ANKRD33B: variants seen among roughly 807,000 people sequenced by gnomAD.
ANKRD33B encodes ankyrin repeat domain-containing protein 33B.
A neutral mutation model predicts 21.5 loss-of-function variants in ANKRD33B; 6 were observed. That is an observed-to-expected ratio of 0.28 (90% confidence interval 0.15 to 0.55). ANKRD33B has a LOEUF of 0.55. Among genes scored for constraint, ANKRD33B ranks in the 20% least tolerant of loss-of-function variants. The probability of loss-of-function intolerance (pLI) is 0.94; values close to 1 mark genes in which losing one functional copy is unlikely to be tolerated. For synonymous variants in ANKRD33B, 347 were observed against 342.4 expected, an observed-to-expected ratio of 1.01 and a Z score of -0.15; for missense variants, 698 against 747.2, an observed-to-expected ratio of 0.93 and a Z score of 0.77.
chr5:10,581,046 C>T (rs1356690112), intron 1 of ANKRD33B, among the ~76,000 whole-genome samples: 1 of 152,150 alleles, frequency 6.6e-6, no homozygotes, highest in Non-Finnish European at 1.5e-5. Flanking sequence ...GCTGGTTCTG[C>T]CCTTGCCAGC....
At chr5:10,638,266 A>G (rs1736922553) in intron 3 of ANKRD33B, 98 bp downstream of exon 3, 42 of 1,366,978 alleles carry the variant, frequency 3.1e-5, no homozygotes, top group Non-Finnish European at 4.0e-5. Flanking sequence ...CCATAGAAAC[A>G]ATGCCTAGTT....
intron 3 of ANKRD33B, among the ~76,000 whole-genome samples, chr5:10,640,100 C>T (rs1407374777): frequency 4.4e-5 from 5 of 114,362 alleles, no homozygotes; most frequent in South Asian, 6.5e-4. Context: ...TAGCGGGTGA[C>T]GTGGAGTTGC....
In ANKRD33B at chr5:10,650,058, G is replaced by T; in HGVS notation, c.1430G>T (p.Arg477Leu). The change falls in exon 4 of 4, where the codon CGC (arginine) becomes CTC (leucine). Residue 477 changes from arginine to leucine, a missense_variant. By Grantham distance (102) the Arg-to-Leu change is moderately radical. Transcript: ENST00000296657. ...KRKAEEAEKK[R>L]QAEAQKERRT... Reference sequence around the variant, plus strand: ...AAGGCAGAGGAGGCCGAAAAGAAGCGCCAGGCCGAGGCGCAGAAGGAGAGG... The same window carrying T: ...AAGGCAGAGGAGGCCGAAAAGAAGCTCCAGGCCGAGGCGCAGAAGGAGAGG... 2 of 1,530,740 alleles carry T rather than the reference G, an allele frequency of 1.3e-6. No individual in the cohort carries two copies. The highest frequency in any genetic ancestry group is 8.7e-7 in the Non-Finnish European group (1 of 1,143,470). 94.8% of individuals were successfully genotyped at this position (1,530,740 alleles called of 1,614,324 possible). A position where few individuals can be genotyped will look rare whatever the true frequency, so the allele number is the denominator to read the frequency against.
Position 10,618,470 on chromosome 5 carries a change from C to A in ANKRD33B, c.496+8C>A. The A allele has an allele frequency of 6.6e-7, 1 of 1,522,166 alleles. No individual in the cohort carries two copies. The allele number at this position is 1,522,166 out of a possible 1,614,324, so 94.3% of individuals were successfully genotyped here. On this transcript the variant is annotated splice_region_variant and intron_variant, in intron 2 of 3. Transcript: ENST00000296657. The stretch of plus-strand genomic sequence containing the variant: ...TCACAGCTGCACAGGCAGGTAAGAG[C>A]TGGCTTTCCCCTTTCCTCTCAGAGC...
chr5:10,577,372 C>T (rs1425642424), intron 1 of ANKRD33B, among the ~76,000 whole-genome samples: 2 of 152,230 alleles, frequency 1.3e-5, no homozygotes, highest in Non-Finnish European at 2.9e-5. Flanking sequence ...TCAAGTGATC[C>T]ACCAGCCTCA....
intron 3 of ANKRD33B, among the ~76,000 whole-genome samples, chr5:10,645,540 C>T (rs527516054): frequency 2.0e-5 from 3 of 152,194 alleles, no homozygotes; most frequent in Non-Finnish European, 4.4e-5. Context: ...AGAAAACAGG[C>T]CGCATTTCTC....
At chr5:10,565,068 A>C (rs895105033) in intron 1 of ANKRD33B, among the ~76,000 whole-genome samples, 5 of 152,180 alleles carry the variant, frequency 3.3e-5, no homozygotes, top group Non-Finnish European at 5.9e-5. Context: ...GCGCGGCAGA[A>C]ACGCCAGTCC....
chr5:10,636,869 C>A (rs1293999611), intron 2 of ANKRD33B, among the ~76,000 whole-genome samples: 1 of 152,218 alleles, frequency 6.6e-6, no homozygotes, highest in African/African-American at 2.4e-5. Context: ...GGTGTTCTTG[C>A]CCCACCGATG....
intron 2 of ANKRD33B, among the ~76,000 whole-genome samples, chr5:10,630,229 C>T (rs184905866): frequency 2.0e-5 from 3 of 151,504 alleles, no homozygotes; most frequent in Admixed American, 6.6e-5. Context: ...ACTGTCCTTG[C>T]TCAAGTCTGT....
intron 1 of ANKRD33B, among the ~76,000 whole-genome samples, chr5:10,589,161 A>G (rs1010995310): frequency 2.6e-5 from 4 of 151,894 alleles, no homozygotes; most frequent in African/African-American, 7.3e-5. Flanking sequence ...AACTAATCCA[A>G]CCGTGCTGTG....
At position 10,623,923 on chromosome 5, in the gene ANKRD33B, A is replaced by C. The variant is rs1736480796; in HGVS notation, c.496+5461A>C. Reference sequence around the variant, plus strand: ...ATACAATACACAGTGTTTGGGGGGAAAATGACCCCACATGAGCAAGGAAAT... The same window carrying C: ...ATACAATACACAGTGTTTGGGGGGACAATGACCCCACATGAGCAAGGAAAT... On this transcript the variant is annotated intron_variant, in intron 2 of 3. Transcript: ENST00000296657. Among the ~76,000 whole-genome samples, 2 of 152,242 alleles carry C rather than the reference A, an allele frequency of 1.3e-5. 1 individual carries two copies.
At chr5:10,566,348 C>T (rs923817968) in intron 1 of ANKRD33B, among the ~76,000 whole-genome samples, 4 of 152,226 alleles carry the variant, frequency 2.6e-5, no homozygotes, top group African/African-American at 9.6e-5. Flanking sequence ...GTCCTAGGGC[C>T]TGTTTCTCAA....
chr5:10,613,443 C>T (rs988912882), intron 1 of ANKRD33B, among the ~76,000 whole-genome samples: 1 of 151,990 alleles, frequency 6.6e-6, no homozygotes, highest in East Asian at 1.9e-4. Context: ...TGCCACCACG[C>T]CCAGCTAATT....
At chr5:10,602,875 T>TGG (rs951500814) in intron 1 of ANKRD33B, among the ~76,000 whole-genome samples, 33 of 151,738 alleles carry the variant, frequency 2.2e-4, no homozygotes, top group Non-Finnish European at 4.4e-5. Context: ...TGCAGTGGCA[T>TGG]GATCACAGCT....
In ANKRD33B at chr5:10,564,766, T is replaced by C; in HGVS notation, c.299T>C (p.Leu100Pro). The C allele has an allele frequency of 6.5e-7, 1 of 1,527,106 alleles. No homozygotes were observed. Among genetic ancestry groups the C allele is most frequent in the Non-Finnish European group, 8.8e-7 (1 of 1,141,128 alleles). 94.6% of individuals were successfully genotyped at this position (1,527,106 alleles called of 1,614,324 possible). A position where few individuals can be genotyped will look rare whatever the true frequency, so the allele number is the denominator to read the frequency against. The change falls in exon 1 of 4, where the codon CTG becomes CCG. Residue 100 changes from leucine (L) to proline (P), a missense_variant. Coordinates refer to ENST00000296657, the MANE Select transcript of ANKRD33B (RefSeq NM_001164440.2). ...LRAACANNVG[L>P]LRTLVRRGVS... ...GCCGCCTGCGCCAACAACGTGGGGC[T>C]GCTGCGGACGCTGGTGCGGCGCGGG...
At chr5:10,601,122 A>G (rs1735919555) in intron 1 of ANKRD33B, among the ~76,000 whole-genome samples, 1 of 152,182 alleles carries the variant, frequency 6.6e-6, no homozygotes, top group Non-Finnish European at 1.5e-5. Flanking sequence ...CTCAGTTTAA[A>G]AAGAATAGGG....
At chr5:10,630,584 G>A (rs1736683946) in intron 2 of ANKRD33B, among the ~76,000 whole-genome samples, 1 of 152,190 alleles carries the variant, frequency 6.6e-6, no homozygotes, top group Admixed American at 6.5e-5. Flanking sequence ...TAAGAGAAGA[G>A]GCATACAAAA....
chr5:10,613,999 G>GTGTGTGTA (rs1196660928), intron 1 of ANKRD33B, among the ~76,000 whole-genome samples: 4 of 150,402 alleles, frequency 2.7e-5, no homozygotes, highest in Non-Finnish European at 5.9e-5. Context: ...TCGTGTGTGT[G>GTGTGTGTA]TGTGTGTGTG....
At chr5:10,579,675 A>C (rs1735402319) in intron 1 of ANKRD33B, among the ~76,000 whole-genome samples, 1 of 152,266 alleles carries the variant, frequency 6.6e-6, no homozygotes, top group East Asian at 1.9e-4. Context: ...AAATGATTAA[A>C]ATAAGTAGTC....
Sources: gnomAD v4.1 joint callset for allele counts (sites outside exome capture counted in the v4.1 genomes callset) on GRCh38, gnomAD v4.1.1 for gene constraint, MANE v1.5 for transcripts, NCBI Gene and HGNC (gene_info 2026-07-23, HGNC 2026-07-21) for gene names.